The following NDUFS1 variants were observed in gnomAD, a reference collection of about 807,000 sequenced individuals.
NDUFS1 encodes the protein NADH-ubiquinone oxidoreductase 75 kDa subunit, mitochondrial.
NDUFS1 carries 61 observed loss-of-function variants against 84.4 expected under a neutral mutation model. The observed-to-expected ratio is 0.72, with a 90% CI of 0.59 to 0.89. NDUFS1 has a LOEUF of 0.89. Among genes scored for constraint, NDUFS1 ranks in the 40% least tolerant of loss-of-function variants. The pLI is 0.00. For synonymous variants in NDUFS1, 275 were observed against 290.0 expected (o/e 0.95, Z 0.53); for missense variants, 891 against 890.0 (o/e 1.00, Z -0.01).
At chr2:206,124,600 G>A (rs1691214598) in intron 18 of NDUFS1, among the ~76,000 whole-genome samples, 1 of 152,164 alleles carries the variant, frequency 6.6e-6, no homozygotes. Context: ...AGCACTTTGG[G>A]AGGCCGAGGC....
At chr2:206,143,214 C>T (rs960461082) in intron 10 of NDUFS1, among the ~76,000 whole-genome samples, 1 of 152,092 alleles carries the variant, frequency 6.6e-6, no homozygotes, top group Non-Finnish European at 1.5e-5. Flanking sequence ...ATCGAGATCG[C>T]GCCACCGCAC....
At chr2:206,149,777 T>C in intron 4 of NDUFS1, 41 bp downstream of exon 4, 6 of 1,448,330 alleles carry the variant, frequency 4.1e-6, no homozygotes, top group Non-Finnish European at 3.9e-6. Context: ...TAAAGTTTTC[T>C]ACCTTCTACA....
chr2:206,138,401 A>C, intron 13 of NDUFS1, 84 bp downstream of exon 13: 1 of 1,500,574 alleles, frequency 6.7e-7, no homozygotes. Context: ...TTTAACACTT[A>C]CATAGGATTA....
At chr2:206,135,723 T>C (rs1559049428) in intron 13 of NDUFS1, among the ~76,000 whole-genome samples, 2 of 151,900 alleles carry the variant, frequency 1.3e-5, no homozygotes, top group South Asian at 2.1e-4. Flanking sequence ...TCTCTCAAAA[T>C]AGTAGTCACC....
chr2:206,136,301 C>T (rs1289301609), intron 13 of NDUFS1, among the ~76,000 whole-genome samples: 1 of 151,468 alleles, frequency 6.6e-6, no homozygotes, highest in Non-Finnish European at 1.5e-5. Flanking sequence ...ATCCGCCCGC[C>T]TCAGCCTCCC....
At chr2:206,133,415 T>C (rs139341312) in intron 13 of NDUFS1, among the ~76,000 whole-genome samples, 1 of 152,282 alleles carries the variant, frequency 6.6e-6, no homozygotes, top group Non-Finnish European at 1.5e-5. Flanking sequence ...CCAGAAAAAT[T>C]GGGGAACTTC....
intron 14 of NDUFS1, among the ~76,000 whole-genome samples, chr2:206,132,635 A>C (rs182233642): frequency 1.1e-3 from 171 of 152,364 alleles, no homozygotes; most frequent in Non-Finnish European, 2.1e-3. Flanking sequence ...CTGAATTCTC[A>C]TATTAGCTTA....
intron 1 of NDUFS1, among the ~76,000 whole-genome samples, chr2:206,155,846 G>A (rs1444783459): frequency 1.3e-5 from 2 of 150,900 alleles, no homozygotes; most frequent in African/African-American, 2.4e-5. Flanking sequence ...GAGCCACCAC[G>A]CCCGGCCAAG....
chr2:206,142,210 T>G, intron 11 of NDUFS1, 141 bp from the exon 12 acceptor site: 1 of 750,996 alleles, frequency 1.3e-6, no homozygotes, highest in South Asian at 1.7e-5. Context: ...AATGAACATT[T>G]CAGATACTTA....
At chr2:206,133,217 T>C (rs1691584010) in intron 13 of NDUFS1, 112 bp from the exon 14 acceptor site, 1 of 837,570 alleles carries the variant, frequency 1.2e-6, no homozygotes. Flanking sequence ...GTAACATGAA[T>C]GTCTTCAATT....
intron 15 of NDUFS1, among the ~76,000 whole-genome samples, chr2:206,128,646 G>A (rs1273420414): frequency 2.0e-5 from 3 of 151,822 alleles, no homozygotes; most frequent in Non-Finnish European, 2.9e-5. Context: ...CCAATGTGGT[G>A]GTGTGTGCCT....
intron 3 of NDUFS1, among the ~76,000 whole-genome samples, chr2:206,150,575 G>A (rs1692334086): frequency 6.6e-6 from 1 of 152,144 alleles, no homozygotes; most frequent in Non-Finnish European, 1.5e-5. Context: ...TATTTAGTTA[G>A]CAAAAATGTG....
intron 15 of NDUFS1, among the ~76,000 whole-genome samples, chr2:206,129,842 C>T (rs866230338): frequency 4.2e-4 from 64 of 151,862 alleles, no homozygotes; most frequent in Middle Eastern, 3.2e-3. Context: ...TCCACCCGCA[C>T]TGGCCTCCCA....
chr2:206,148,732 C>T (rs909140420), intron 5 of NDUFS1, among the ~76,000 whole-genome samples: 3 of 152,132 alleles, frequency 2.0e-5, no homozygotes, highest in African/African-American at 7.2e-5. Context: ...CACAATCAAT[C>T]CCAGTATAGT....
intron 1 of NDUFS1, among the ~76,000 whole-genome samples, chr2:206,158,494 T>C (rs73067852): frequency 1.3e-5 from 2 of 152,216 alleles, no homozygotes; most frequent in African/African-American, 4.8e-5. Context: ...TGGCTCGTAG[T>C]AAATGTTCAA....
chr2:206,117,300 TTA>T lies in NDUFS1; in HGVS notation c.*6883_*6884del, dbSNP rs539422150. 3 of 152,252 alleles carry T rather than the reference TTA, an allele frequency of 2.0e-5. No individual in the cohort carries two copies. Among genetic ancestry groups the T allele is most frequent in the South Asian group, 2.1e-4 (1 of 4,832 alleles). The allele number at this position is 152,252 out of a possible 1,614,324, so 9.4% of individuals were successfully genotyped here. A position where few individuals can be genotyped will look rare whatever the true frequency, so the allele number is the denominator to read the frequency against. On this transcript the variant is annotated 3_prime_UTR_variant, in exon 19 of 19. Coordinates refer to ENST00000233190, the MANE Select transcript of NDUFS1 (RefSeq NM_005006.7). The stretch of plus-strand genomic sequence containing the variant: ...ATGTACTTACCTCTATTAGAATATG[TTA>T]TGTCATTACTATAATTGATGCCTAC...
chr2:206,116,496 G>T lies in NDUFS1; in HGVS notation c.*7689C>A. On this transcript the variant is annotated 3_prime_UTR_variant, in exon 19 of 19. Transcript: ENST00000233190. ...CCGCACGCTCCGCACCACTCGCAGC[G>T]CCATGTTCCCAGGGGTGCGGGGATG... The T allele has an allele frequency of 1.6e-6, 2 of 1,214,080 alleles. No homozygotes were observed. The highest frequency in any genetic ancestry group is 2.3e-6 in the Non-Finnish European group (2 of 856,844). The allele number at this position is 1,214,080 out of a possible 1,614,324, so 75.2% of individuals were successfully genotyped here.
In NDUFS1 at chr2:206,135,710, C is replaced by T. The variant is rs114243523; in HGVS notation, c.1393-2605G>A. On this transcript the variant is annotated intron_variant, in intron 13 of 18. Coordinates refer to ENST00000233190, the MANE Select transcript of NDUFS1 (RefSeq NM_005006.7). ...GAAAAAAGAAAAAAAGAAAAGGAAA[C>T]GTTCTCTCAAAATAGTAGTCACCTA... 9.0e-3 allele frequency among the ~76,000 whole-genome samples: 1,370 copies of T among 151,836 alleles called. 14 individuals carry two copies. Among genetic ancestry groups the T allele is most frequent in the African/African-American group, 0.03 (1,255 of 41,464 alleles).
At chr2:206,133,440 G>C (rs370501018) in intron 13 of NDUFS1, among the ~76,000 whole-genome samples, 5 of 152,326 alleles carry the variant, frequency 3.3e-5, no homozygotes, top group African/African-American at 7.2e-5. Context: ...CAGAGATTCA[G>C]ATGTTAATTA....
Sources: allele counts gnomAD v4.1 joint callset (sites outside exome capture counted in the v4.1 genomes callset), GRCh38; gene constraint gnomAD v4.1.1; transcripts MANE v1.5; gene names NCBI Gene and HGNC (gene_info 2026-07-23, HGNC 2026-07-21).